Variants in DTL observed in about 807,000 individuals in gnomAD.
The protein encoded by DTL is denticleless protein homolog.
DTL carries 46 observed loss-of-function variants against 87.0 expected under a neutral mutation model. That is an observed-to-expected ratio of 0.53 (90% CI 0.42 to 0.68). The LOEUF is 0.68. Ranked by LOEUF, DTL falls within the 30% of genes least tolerant of loss-of-function variation. The pLI, the probability that DTL is intolerant of heterozygous loss-of-function variation, is 0.00. For synonymous variants in DTL, 308 were observed against 311.2 expected (o/e 0.99, Z 0.11); for missense variants, 737 against 869.4 (o/e 0.85, Z 1.91).
Position 212,041,762 on chromosome 1 carries a change from T to A in DTL, c.53-1231T>A, listed in dbSNP as rs3010024. ...CCTGACCTCGTGGTCCGCCTGCCTC[T>A]GCCTCCCGAAGTGCTGGGATTACAG... On this transcript the variant is annotated intron_variant, in intron 1 of 14. Transcript: ENST00000366991. Among the ~76,000 whole-genome samples, 4 of 152,058 alleles carry A rather than the reference T, an allele frequency of 2.6e-5. No individual in the cohort carries two copies. The East Asian group carries it at 5.8e-4, about 22-fold the overall frequency.
chr1:212,068,521 C>A (rs1286582206), intron 9 of DTL, 78 bp from the exon 10 acceptor site: 2 of 957,790 alleles, frequency 2.1e-6, no homozygotes, highest in Non-Finnish European at 3.2e-6. Flanking sequence ...ATGAAATGAT[C>A]TATTTTTGTC....
chr1:212,049,666 T>G (rs945181078), intron 5 of DTL, among the ~76,000 whole-genome samples: 3 of 152,222 alleles, frequency 2.0e-5, no homozygotes, highest in African/African-American at 7.2e-5. Flanking sequence ...TAAAACAGAA[T>G]AGATAATAGC....
rs1354378237 is a variant in DTL, at chr1:212,097,105, T to C, written c.1262-3147T>C. Reference sequence around the variant, plus strand: ...TTCATCTTTTCTTCATTTATGAAGCTTAGTTTCACTGGATACAAAATTCTT... The same window carrying C: ...TTCATCTTTTCTTCATTTATGAAGCCTAGTTTCACTGGATACAAAATTCTT... On this transcript the variant is annotated intron_variant, in intron 13 of 14. Coordinates refer to ENST00000366991, the MANE Select transcript of DTL (RefSeq NM_016448.4). Among the ~76,000 whole-genome samples the C allele has an allele frequency of 2.0e-5, 3 of 152,364 alleles. No individual in the cohort carries two copies. In the East Asian group the frequency reaches 5.8e-4, roughly 29 times the overall value.
Position 212,068,330 on chromosome 1 carries a change from A to G in DTL, c.817+3A>G. ...AGGTAGCAGCACTCGAAAACTTGGT[A>G]AGCCTTTAATAGGTCTTTTGGGGGA... is the stretch of plus-strand genomic sequence containing the variant. On this transcript the variant is annotated splice_donor_region_variant and intron_variant, in intron 9 of 14. Coordinates refer to ENST00000366991, the MANE Select transcript of DTL (RefSeq NM_016448.4). 3 of 1,595,460 alleles carry G rather than the reference A, an allele frequency of 1.9e-6. No homozygotes were observed. The highest frequency in any genetic ancestry group is 1.7e-6 in the Non-Finnish European group (2 of 1,170,054).
intron 5 of DTL, among the ~76,000 whole-genome samples, chr1:212,052,736 A>G (rs1000084737): frequency 6.7e-6 from 1 of 148,888 alleles, no homozygotes; most frequent in Non-Finnish European, 1.5e-5. Flanking sequence ...ACCCATATAT[A>G]TATATTTTTT....
intron 5 of DTL, among the ~76,000 whole-genome samples, chr1:212,055,493 G>A (rs955014116): frequency 6.6e-6 from 1 of 152,138 alleles, no homozygotes; most frequent in East Asian, 1.9e-4. Flanking sequence ...GGCTGAATTG[G>A]GAGCCACACA....
rs543373129 is a variant in DTL, at chr1:212,094,482, C to T, written c.1262-5770C>T. On this transcript the variant is annotated intron_variant, in intron 13 of 14. Coordinates refer to ENST00000366991, the MANE Select transcript of DTL (RefSeq NM_016448.4). ...TATGTGCCTATTTTTATACGAGTAC[C>T]GTGCTATTTGAGTGACTATAGCCTT... 6.6e-5 allele frequency among the ~76,000 whole-genome samples: 10 copies of T among 152,270 alleles called. No individual in the cohort carries two copies. In the East Asian group the frequency reaches 1.3e-3, roughly 21 times the overall value.
At chr1:212,079,540 G>A (rs1479040603) in intron 12 of DTL, among the ~76,000 whole-genome samples, 1 of 152,160 alleles carries the variant, frequency 6.6e-6, no homozygotes, top group Non-Finnish European at 1.5e-5. Flanking sequence ...ATTTGGAATA[G>A]GAGAAAGCTG....
At chr1:212,041,814 G>A (rs1011773360) in intron 1 of DTL, among the ~76,000 whole-genome samples, 2 of 152,086 alleles carry the variant, frequency 1.3e-5, no homozygotes, top group African/African-American at 4.8e-5. Flanking sequence ...CCGGCCTATT[G>A]CATTCTTTTA....
intron 11 of DTL, among the ~76,000 whole-genome samples, chr1:212,076,359 C>T (rs746907269): frequency 7.9e-5 from 12 of 152,074 alleles, no homozygotes; most frequent in African/African-American, 1.7e-4. Flanking sequence ...ACCTTGTTAA[C>T]GTATTCCAAA....
At chr1:212,080,889 G>T in intron 13 of DTL, 139 bp downstream of exon 13, 2 of 901,902 alleles carry the variant, frequency 2.2e-6, no homozygotes, top group Non-Finnish European at 3.3e-6. Flanking sequence ...CATTCTTTTT[G>T]ATAAGTATTT....
At chr1:212,058,911 A>G (rs780637233) in intron 5 of DTL, among the ~76,000 whole-genome samples, 1 of 152,178 alleles carries the variant, frequency 6.6e-6, no homozygotes, top group African/African-American at 2.4e-5. Flanking sequence ...GTGTACAACT[A>G]TACACTAACT....
chr1:212,102,900 A>T lies in DTL; in HGVS notation c.2153A>T (p.Gln718Leu), dbSNP rs1655665306. The change falls in exon 15 of 15, where the codon CAG becomes CTG. Residue 718 changes from glutamine (Q) to leucine (L), a missense_variant. By Grantham distance (113) the Gln-to-Leu change is moderately radical (BLOSUM62 -2). Coordinates refer to ENST00000366991, the MANE Select transcript of DTL (RefSeq NM_016448.4). ...TGCACATACTTCCATAGAAAGTCCC[A>T]GGAGGACTTCTGTGGTCCTGAACAC... ...KICTYFHRKS[Q>L]EDFCGPEHST... 6.2e-7 allele frequency: 1 copy of T among 1,612,420 alleles called. No individual in the cohort carries two copies.
rs1158767945 is a variant in DTL, at chr1:212,103,434, C to G, written c.*494C>G. 1 of 152,178 alleles carries G rather than the reference C, an allele frequency of 6.6e-6. No homozygotes were observed. Among genetic ancestry groups the G allele is most frequent in the Admixed American group, 6.6e-5 (1 of 15,262 alleles). 9.4% of individuals were successfully genotyped at this position (152,178 alleles called of 1,614,324 possible). On this transcript the variant is annotated 3_prime_UTR_variant, in exon 15 of 15. Transcript: ENST00000366991. The stretch of plus-strand genomic sequence containing the variant: ...TTATTTGAAATACATAATCTTTTCA[C>G]TATGCTTTTGTGGGGTTTTTTTTAA...
At chr1:212,098,497 C>CGGCTACCAG (rs2102586686) in intron 13 of DTL, among the ~76,000 whole-genome samples, 1 of 152,150 alleles carries the variant, frequency 6.6e-6, no homozygotes, top group East Asian at 1.9e-4. Context: ...CTTTTGTTTA[C>CGGCTACCAG]GGCTACCAGG....
At chr1:212,050,395 A>G (rs1443685675) in intron 5 of DTL, among the ~76,000 whole-genome samples, 1 of 152,122 alleles carries the variant, frequency 6.6e-6, no homozygotes, top group Non-Finnish European at 1.5e-5. Context: ...AAGAAAATGG[A>G]CTCAGATAAG....
At chr1:212,055,557 A>G (rs929946842) in intron 5 of DTL, among the ~76,000 whole-genome samples, 1 of 152,192 alleles carries the variant, frequency 6.6e-6, no homozygotes, top group Middle Eastern at 3.4e-3. Context: ...CACACTCCCC[A>G]AGGACAAATT....
intron 13 of DTL, among the ~76,000 whole-genome samples, chr1:212,098,325 A>T (rs1227181578): frequency 6.6e-6 from 1 of 152,182 alleles, no homozygotes; most frequent in Admixed American, 6.5e-5. Context: ...GTTCTGTTGA[A>T]TTGCTGTAAT....
chr1:212,078,634 A>G (rs924752865), intron 12 of DTL, among the ~76,000 whole-genome samples: 6 of 152,198 alleles, frequency 3.9e-5, no homozygotes, highest in Non-Finnish European at 7.4e-5. Flanking sequence ...TATTAAAGGT[A>G]ACATCTTGAC....
Sources: allele counts gnomAD v4.1 joint callset (sites outside exome capture counted in the v4.1 genomes callset), GRCh38; gene constraint gnomAD v4.1.1; transcripts MANE v1.5; gene names NCBI Gene and HGNC (gene_info 2026-07-23, HGNC 2026-07-21).